TUT7: variants seen among roughly 807,000 people sequenced by gnomAD.
TUT7 encodes the protein terminal uridylyltransferase 7.
In TUT7, 33 loss-of-function variants were observed where a neutral mutation model predicts 165.9. The observed-to-expected ratio is 0.20, with a 90% confidence interval of 0.15 to 0.27. The LOEUF (loss-of-function observed/expected upper bound fraction) is 0.27, where lower values mean the gene tolerates loss of function less well. Among genes scored for constraint, TUT7 ranks in the 10% least tolerant of loss-of-function variants. TUT7 has a pLI of 1.00. For synonymous variants in TUT7, 552 were observed against 608.1 expected (o/e 0.91, Z 1.36); for missense variants, 1,338 against 1,762.3 (o/e 0.76, Z 4.31).
intron 10 of TUT7, among the ~76,000 whole-genome samples, chr9:86,333,793 G>C (rs1830528625): frequency 6.6e-6 from 1 of 152,162 alleles, no homozygotes; most frequent in South Asian, 2.1e-4. Context: ...TTGAAAGCTA[G>C]ACACGATGTA....
chr9:86,317,970 C>A (rs1234439418), intron 16 of TUT7, among the ~76,000 whole-genome samples: 2 of 152,138 alleles, frequency 1.3e-5, no homozygotes, highest in East Asian at 3.9e-4. Context: ...ATGATAGGGT[C>A]ATTCCATATG....
intron 16 of TUT7, 42 bp from the exon 17 acceptor site, chr9:86,317,318 G>C: frequency 2.0e-6 from 3 of 1,527,020 alleles, no homozygotes; most frequent in Non-Finnish European, 2.7e-6. Flanking sequence ...AAAACTGGAA[G>C]ACAGGTTCTG....
intron 15 of TUT7, 95 bp downstream of exon 15, chr9:86,319,489 T>A (rs1829028492): frequency 1.2e-6 from 1 of 869,112 alleles, no homozygotes; most frequent in African/African-American, 1.7e-5. Context: ...ACAATGGAAA[T>A]CCTGATTCTC....
At chr9:86,316,911 T>C (rs572408573) in intron 17 of TUT7, among the ~76,000 whole-genome samples, 2 of 151,888 alleles carry the variant, frequency 1.3e-5, no homozygotes, top group East Asian at 3.9e-4. Flanking sequence ...GATACAACAA[T>C]AAAAAAATAC....
intron 2 of TUT7, among the ~76,000 whole-genome samples, chr9:86,347,367 A>G (rs1475711835): frequency 6.6e-6 from 1 of 152,242 alleles, no homozygotes; most frequent in African/African-American, 2.4e-5. Flanking sequence ...ATTGTTTTAG[A>G]TAGCTTTGAT....
At chr9:86,325,913 G>A (rs1329260594) in intron 11 of TUT7, among the ~76,000 whole-genome samples, 1 of 152,164 alleles carries the variant, frequency 6.6e-6, no homozygotes, top group Non-Finnish European at 1.5e-5. Flanking sequence ...AAAATGGACA[G>A]TAGCTAAAGG....
intron 10 of TUT7, among the ~76,000 whole-genome samples, chr9:86,332,939 T>C (rs1008599405): frequency 2.0e-5 from 3 of 152,206 alleles, no homozygotes; most frequent in African/African-American, 7.2e-5. Context: ...AGCACAGCTA[T>C]AATAACTGCT....
rs117401175 is a variant in TUT7 at position 86,289,235 on chromosome 9, A to C, written c.4421-491T>G. On this transcript the variant is annotated intron_variant, in intron 26 of 26. Coordinates refer to ENST00000375963, the MANE Select transcript of TUT7 (RefSeq NM_024617.4). Reference sequence around the variant, plus strand: ...ATTATATTTACAGGTGGAGGACACAAATGAGGATTACTGATTAAAACCAAT... The same window carrying C: ...ATTATATTTACAGGTGGAGGACACACATGAGGATTACTGATTAAAACCAAT... 5.9e-3 allele frequency among the ~76,000 whole-genome samples: 905 copies of C among 152,336 alleles called. 20 individuals are homozygous for C. The highest frequency in any genetic ancestry group is 0.05 in the East Asian group (261 of 5,190).
At chr9:86,332,010 T>C (rs1378231879) in intron 10 of TUT7, among the ~76,000 whole-genome samples, 1 of 152,076 alleles carries the variant, frequency 6.6e-6, no homozygotes, top group Non-Finnish European at 1.5e-5. Context: ...AAGCTCAACA[T>C]CACCAATCAT....
chr9:86,338,678 C>G (rs1030966651), intron 9 of TUT7, 145 bp downstream of exon 9: 3 of 825,948 alleles, frequency 3.6e-6, no homozygotes, highest in African/African-American at 3.6e-5. Context: ...TCCGTCTGTA[C>G]GTTTCTGTTG....
Position 86,311,961 on chromosome 9 carries a change from G to A in TUT7, c.3275-1152C>T, listed in dbSNP as rs1198388618. 3.3e-5 allele frequency among the ~76,000 whole-genome samples: 5 copies of A among 152,256 alleles called. No individual in the cohort carries two copies. Among genetic ancestry groups the A allele is most frequent in the East Asian group, 3.9e-4 (2 of 5,170 alleles). On this transcript the variant is annotated intron_variant, in intron 17 of 26. Transcript: ENST00000375963. This position sits in a 1 kb window ranked among gnomAD's most constrained non-coding sequence, Gnocchi z 4.4. Reference sequence around the variant, plus strand: ...GGCTGGAGTGCAGTGGCGTGATCTCGGCCCGCTACAACCTCCACCTCCCAG... The same window carrying A: ...GGCTGGAGTGCAGTGGCGTGATCTCAGCCCGCTACAACCTCCACCTCCCAG...
intron 14 of TUT7, 70 bp from the exon 15 acceptor site, chr9:86,319,740 T>A (rs905253912): frequency 1.7e-5 from 18 of 1,049,450 alleles, no homozygotes; most frequent in Non-Finnish European, 2.3e-5. Flanking sequence ...CTGAAAAAAA[T>A]TTATTTTTTA....
At chr9:86,339,082 G>A in intron 8 of TUT7, 133 bp from the exon 9 acceptor site, 1 of 772,838 alleles carries the variant, frequency 1.3e-6, no homozygotes, top group South Asian at 6.5e-5. Flanking sequence ...GCTTAAAAGT[G>A]AAAAAAACTA....
At chr9:86,342,537 G>A (rs1370966656) in intron 6 of TUT7, among the ~76,000 whole-genome samples, 1 of 152,070 alleles carries the variant, frequency 6.6e-6, no homozygotes, top group African/African-American at 2.4e-5. Flanking sequence ...AACCTCCAGA[G>A]TAGCTGGGAC....
intron 17 of TUT7, among the ~76,000 whole-genome samples, chr9:86,314,398 CTG>C (rs1389390807): frequency 2.0e-5 from 3 of 149,210 alleles, no homozygotes; most frequent in Non-Finnish European, 4.5e-5. Context: ...TGCAAAAAAA[CTG>C]TTTTATTTTC....
chr9:86,335,674 C>A (rs1830696925), intron 10 of TUT7, among the ~76,000 whole-genome samples: 1 of 152,112 alleles, frequency 6.6e-6, no homozygotes, highest in African/African-American at 2.4e-5. Flanking sequence ...ATTATGAGGA[C>A]CTCATTGGAT....
At chr9:86,333,333 G>T (rs1830487832) in intron 10 of TUT7, among the ~76,000 whole-genome samples, 1 of 152,036 alleles carries the variant, frequency 6.6e-6, no homozygotes, top group Admixed American at 6.6e-5. Context: ...TATTTCTTCT[G>T]TTCTTTTTTC....
intron 5 of TUT7, 23 bp from the exon 6 acceptor site, chr9:86,343,186 A>G (rs1279329875): frequency 1.6e-5 from 22 of 1,390,928 alleles, no homozygotes; most frequent in Non-Finnish European, 5.9e-6. Flanking sequence ...TAAATAAATA[A>G]AAGTAATAAA....
intron 16 of TUT7, among the ~76,000 whole-genome samples, 161 bp downstream of exon 16, chr9:86,318,797 C>T (rs192214405): frequency 6.6e-4 from 100 of 152,320 alleles, no homozygotes; most frequent in Middle Eastern, 3.4e-3. Flanking sequence ...TTCCTCACAA[C>T]CTTTCCAAGC....
Sources: allele counts gnomAD v4.1 joint callset (sites outside exome capture counted in the v4.1 genomes callset), GRCh38; gene constraint gnomAD v4.1.1; non-coding constraint Gnocchi (gnomAD v3.1); transcripts MANE v1.5; gene names NCBI Gene and HGNC (gene_info 2026-07-23, HGNC 2026-07-21).